PCAT7: variants seen among roughly 807,000 people sequenced by gnomAD.
The protein encoded by PCAT7 is prostate cancer associated transcript 7.
chr9:94,568,162 T>C (rs995982974), intron 2 of PCAT7: 1 of 151,932 alleles, frequency 6.6e-6, no homozygotes, highest in African/African-American at 2.4e-5. Flanking sequence ...AGTTATTTTG[T>C]TTATGTTAGT....
chr9:94,568,391 TA>T (rs1328325504), intron 2 of PCAT7: 1 of 152,186 alleles, frequency 6.6e-6, no homozygotes, highest in Non-Finnish European at 1.5e-5. Flanking sequence ...CAAATACCCC[TA>T]TGTCTAGTTC....
chr9:94,559,668 C>T (rs1268656714), intron 2 of PCAT7, among the ~76,000 whole-genome samples: 1 of 152,086 alleles, frequency 6.6e-6, no homozygotes, highest in Non-Finnish European at 1.5e-5. Context: ...TTTCAATGGT[C>T]TTGTCTTTTG....
rs548869246 is a variant in PCAT7, at chr9:94,560,567, C to T, written n.441+1415C>T. Among the ~76,000 whole-genome samples, 9 of 152,180 alleles carry T rather than the reference C, an allele frequency of 5.9e-5. No homozygotes were observed. In the South Asian group the frequency reaches 8.3e-4, roughly 14 times the overall value. On this transcript the variant is annotated intron_variant and non_coding_transcript_variant, in intron 2 of 8. Coordinates refer to ENST00000647389, the Ensembl canonical transcript of PCAT7. The stretch of plus-strand genomic sequence containing the variant: ...AAGTTCATTCTCCATTATCACCTTA[C>T]GAAATGGTTGACCCAGCTATGTGCA...
chr9:94,565,716 T>G (rs1025524512), intron 2 of PCAT7, among the ~76,000 whole-genome samples: 1 of 143,222 alleles, frequency 7.0e-6, no homozygotes, highest in African/African-American at 2.6e-5. Context: ...ATCTCTCAGT[T>G]AAAGATATAG....
upstream of PCAT7, among the ~76,000 whole-genome samples, chr9:94,554,787 G>C (rs999942539): frequency 2.0e-5 from 3 of 152,158 alleles, no homozygotes; most frequent in Admixed American, 6.5e-5. Flanking sequence ...CAGGCTCCAG[G>C]CTCCAAGCTC....
exon 2 of PCAT7, chr9:94,559,105 CG>C (rs769314584): frequency 1.2e-5 from 19 of 1,613,398 alleles, no homozygotes; most frequent in African/African-American, 2.7e-5. Context: ...ATGTAGGCCA[CG>C]GGATTGCATT....
At chr9:94,571,574 T>C (rs755699444) in intron 2 of PCAT7, 2 of 1,613,734 alleles carry the variant, frequency 1.2e-6, no homozygotes, top group South Asian at 2.2e-5. Flanking sequence ...CTGCAGGGCA[T>C]CCTTTTCAGA....
At chr9:94,557,421 T>C (rs1827027397) in intron 1 of PCAT7, among the ~76,000 whole-genome samples, 1 of 152,254 alleles carries the variant, frequency 6.6e-6, no homozygotes, top group Non-Finnish European at 1.5e-5. Flanking sequence ...GTTTTCATTT[T>C]GGGAAAAGAA....
chr9:94,573,594 T>C (rs1391888310), intron 3 of PCAT7, among the ~76,000 whole-genome samples: 3 of 152,206 alleles, frequency 2.0e-5, no homozygotes, highest in African/African-American at 7.2e-5. Context: ...TTATGTGATT[T>C]TTCTTCTTTA....
At chr9:94,563,671 G>C (rs904725405) in intron 2 of PCAT7, among the ~76,000 whole-genome samples, 3 of 152,082 alleles carry the variant, frequency 2.0e-5, no homozygotes. Context: ...CTTAACAAAT[G>C]CAGGACTGCT....
In PCAT7 at chr9:94,563,893, A is replaced by G. The variant is rs115715488; in HGVS notation, n.441+4741A>G. Among the ~76,000 whole-genome samples, 511 of 152,342 alleles carry G rather than the reference A, an allele frequency of 3.4e-3. 8 individuals carry two copies. The highest frequency in any genetic ancestry group is 0.01 in the African/African-American group (434 of 41,582). On this transcript the variant is annotated intron_variant and non_coding_transcript_variant, in intron 2 of 8. Transcript: ENST00000647389. ...CCAATAAAGTTCAAAAAAGACGAAAAGGACATTACATAATGGTAAAGGGCT... is the reference window on the plus strand; with the variant it reads ...CCAATAAAGTTCAAAAAAGACGAAAGGGACATTACATAATGGTAAAGGGCT...
chr9:94,566,335 C>T (rs1827189188), intron 2 of PCAT7, among the ~76,000 whole-genome samples: 1 of 152,252 alleles, frequency 6.6e-6, no homozygotes, highest in Non-Finnish European at 1.5e-5. Flanking sequence ...GCAAGGAACA[C>T]CTGGCCCGCC....
intron 2 of PCAT7, among the ~76,000 whole-genome samples, chr9:94,572,160 C>T (rs765476860): frequency 4.6e-5 from 7 of 152,136 alleles, no homozygotes; most frequent in African/African-American, 7.2e-5. Flanking sequence ...CCTCTCTTCC[C>T]GGCAGCACCT....
chr9:94,562,513 T>C (rs1827124162), intron 2 of PCAT7, among the ~76,000 whole-genome samples: 1 of 152,082 alleles, frequency 6.6e-6, no homozygotes, highest in African/African-American at 2.4e-5. Flanking sequence ...TCTCTCTGGC[T>C]TCATGTGCTG....
chr9:94,571,688 G>C (rs747916107), intron 2 of PCAT7: 3 of 1,228,250 alleles, frequency 2.4e-6, no homozygotes, highest in Admixed American at 2.4e-5. Flanking sequence ...AGATCTCCTC[G>C]AATCACTGAA....
intron 2 of PCAT7, among the ~76,000 whole-genome samples, chr9:94,561,198 C>T (rs1827093759): frequency 6.6e-6 from 1 of 151,886 alleles, no homozygotes; most frequent in South Asian, 2.1e-4. Flanking sequence ...CTACTTTAAT[C>T]AAAAAAAGCT....
At chr9:94,555,978 A>G (rs1390081671) in intron 1 of PCAT7, among the ~76,000 whole-genome samples, 1 of 145,276 alleles carries the variant, frequency 6.9e-6, no homozygotes, top group African/African-American at 2.5e-5. Flanking sequence ...CTTTGTGAAA[A>G]GATGGGGAAA....
chr9:94,571,600 G>A (rs372505356), intron 2 of PCAT7: 38 of 1,611,310 alleles, frequency 2.4e-5, no homozygotes, highest in Non-Finnish European at 2.5e-6. Context: ...CATCCTCTGA[G>A]GTCTGTGGAA....
chr9:94,558,215 T>A (rs1827036075), intron 1 of PCAT7, among the ~76,000 whole-genome samples: 1 of 152,228 alleles, frequency 6.6e-6, no homozygotes, highest in Non-Finnish European at 1.5e-5. Flanking sequence ...GATATTAAGT[T>A]GGAAATTTAC....
Sources: gnomAD v4.1 joint callset for allele counts (sites outside exome capture counted in the v4.1 genomes callset) on GRCh38, gnomAD v4.1.1 for gene constraint, MANE v1.5 for transcripts, NCBI Gene and HGNC (gene_info 2026-07-23, HGNC 2026-07-21) for gene names.